The following OLA1 variants were observed in gnomAD, a reference collection of about 807,000 sequenced individuals.
The protein encoded by OLA1 is Obg like ATPase 1.
Under a neutral mutation model 48.4 loss-of-function variants are expected in OLA1, and 14 were observed. The ratio of observed to expected loss-of-function variants is 0.29; its 90% CI spans 0.19 to 0.45. The LOEUF (loss-of-function observed/expected upper bound fraction) is 0.45, where lower values mean the gene tolerates loss of function less well. Among genes scored for constraint, OLA1 ranks in the 20% least tolerant of loss-of-function variants. OLA1 has a pLI of 1.00. For missense variants in OLA1, 325 were observed against 467.1 expected (o/e 0.70, Z 2.80); for synonymous variants, 127 against 150.4 (o/e 0.84, Z 1.14).
At chr2:174,214,876 C>G (rs539444758) in intron 4 of OLA1, among the ~76,000 whole-genome samples, 2 of 151,884 alleles carry the variant, frequency 1.3e-5, no homozygotes, top group Non-Finnish European at 2.9e-5. Context: ...ATGATGAAAC[C>G]CCGTCTCTAC....
intron 4 of OLA1, among the ~76,000 whole-genome samples, chr2:174,166,919 T>G (rs898616088): frequency 7.2e-5 from 11 of 152,222 alleles, no homozygotes; most frequent in African/African-American, 2.7e-4. Flanking sequence ...TAAGTTCCCC[T>G]TCTTTCTCCT....
chr2:174,118,423 G>C (rs1473430628), intron 7 of OLA1, among the ~76,000 whole-genome samples: 1 of 152,156 alleles, frequency 6.6e-6, no homozygotes, highest in African/African-American at 2.4e-5. Context: ...GAAATTCTTT[G>C]TGTAGATGAA....
intron 4 of OLA1, among the ~76,000 whole-genome samples, chr2:174,159,508 C>CA (rs944982899): frequency 6.6e-6 from 1 of 151,936 alleles, no homozygotes; most frequent in African/African-American, 2.4e-5. Context: ...TACATGTGTA[C>CA]AAAAAAACCC....
At chr2:174,144,951 A>ATATATATAT (rs1553483449) in intron 4 of OLA1, among the ~76,000 whole-genome samples, 4 of 40,296 alleles carry the variant, frequency 9.9e-5, no homozygotes, top group Non-Finnish European at 1.2e-4. Flanking sequence ...AAAAAAAAAA[A>ATATATATAT]ATATATATAT....
At chr2:174,091,197 AT>A (rs1685104523) in intron 7 of OLA1, among the ~76,000 whole-genome samples, 2 of 152,310 alleles carry the variant, frequency 1.3e-5, no homozygotes, top group East Asian at 3.9e-4. Flanking sequence ...CTTAGCTTTA[AT>A]ATACTCATCT....
intron 7 of OLA1, among the ~76,000 whole-genome samples, chr2:174,117,361 C>T (rs1685807197): frequency 6.6e-6 from 1 of 152,118 alleles, no homozygotes; most frequent in South Asian, 2.1e-4. Flanking sequence ...GTTCAAAGAG[C>T]TACTTATAGT....
At chr2:174,164,411 C>T (rs577695947) in intron 4 of OLA1, among the ~76,000 whole-genome samples, 146 of 56,332 alleles carry the variant, frequency 2.6e-3, no homozygotes, top group Non-Finnish European at 3.9e-3. Context: ...TCCCACGAAA[C>T]GGTTTAATTT....
rs560990875 is a variant in OLA1 at position 174,148,496 on chromosome 2, T to TA, written c.374-6497dup. 1.4e-4 allele frequency among the ~76,000 whole-genome samples: 21 copies of TA among 152,350 alleles called. No individual in the cohort carries two copies. The East Asian group carries it at 3.7e-3, about 27-fold the overall frequency. On this transcript the variant is annotated intron_variant, in intron 4 of 10. Transcript: ENST00000284719. ...ATGTTAACTATGGTAAACTCTCATT[T>TA]AAAAAACTATTTGTTACAGAAAAAA... is the stretch of plus-strand genomic sequence containing the variant.
intron 4 of OLA1, among the ~76,000 whole-genome samples, chr2:174,211,758 A>T (rs1688249299): frequency 6.6e-6 from 1 of 152,224 alleles, no homozygotes; most frequent in African/African-American, 2.4e-5. Context: ...CCAATACTGT[A>T]GCAAATAGCC....
At chr2:174,081,294 G>T in intron 8 of OLA1, 46 bp from the exon 9 acceptor site, 1 of 1,428,574 alleles carries the variant, frequency 7.0e-7, no homozygotes, top group Non-Finnish European at 9.8e-7. Flanking sequence ...AGTTGATTGT[G>T]CCAGAAATTG....
chr2:174,152,670 T>C (rs755531219), intron 4 of OLA1, among the ~76,000 whole-genome samples: 1 of 152,172 alleles, frequency 6.6e-6, no homozygotes, highest in South Asian at 2.1e-4. Flanking sequence ...TTTGTAAATA[T>C]ATAAAAATGG....
At chr2:174,173,252 T>C (rs1291844984) in intron 4 of OLA1, among the ~76,000 whole-genome samples, 3 of 152,176 alleles carry the variant, frequency 2.0e-5, no homozygotes, top group Admixed American at 1.3e-4. Flanking sequence ...TGTTTAGTCA[T>C]CTAATAAGAA....
intron 4 of OLA1, among the ~76,000 whole-genome samples, chr2:174,216,505 T>C (rs1025945173): frequency 1.3e-4 from 20 of 152,156 alleles, no homozygotes; most frequent in Non-Finnish European, 4.4e-5. Context: ...ATCTTGTGAA[T>C]AGATGACAGT....
chr2:174,086,923 T>C (rs965998268), intron 7 of OLA1, among the ~76,000 whole-genome samples: 12 of 152,228 alleles, frequency 7.9e-5, no homozygotes, highest in African/African-American at 2.9e-4. Context: ...CTGAAGGCCA[T>C]GCACCATCAA....
intron 4 of OLA1, among the ~76,000 whole-genome samples, chr2:174,163,746 ATATATATATATATATATATATATAT>A (rs1687081523): frequency 2.1e-5 from 1 of 47,582 alleles, no homozygotes; most frequent in Non-Finnish European, 4.0e-5. Flanking sequence ...ATATATATAT[ATATATATATATATATATATATATAT>A]ATATAAATAA....
chr2:174,158,934 G>A (rs1479932938), intron 4 of OLA1, among the ~76,000 whole-genome samples: 1 of 151,982 alleles, frequency 6.6e-6, no homozygotes, highest in Non-Finnish European at 1.5e-5. Context: ...CCCCACCATG[G>A]GATTTTAGCA....
rs184262320 is a variant in OLA1 at position 174,179,448 on chromosome 2, T to C, written c.374-37448A>G. 2.0e-3 allele frequency among the ~76,000 whole-genome samples: 303 copies of C among 152,092 alleles called. 3 individuals are homozygous for C. The highest frequency in any genetic ancestry group is 6.9e-3 in the African/African-American group (287 of 41,566). On this transcript the variant is annotated intron_variant, in intron 4 of 10. Coordinates refer to ENST00000284719, the MANE Select transcript of OLA1 (RefSeq NM_013341.5). ...ATTTGTTAGACTAAAGGCTTATTTATGGGAACCTTATATTAACTTAGGAAT... is the reference window on the plus strand; with the variant it reads ...ATTTGTTAGACTAAAGGCTTATTTACGGGAACCTTATATTAACTTAGGAAT...
intron 4 of OLA1, among the ~76,000 whole-genome samples, chr2:174,186,213 C>A (rs1002549655): frequency 3.9e-5 from 6 of 152,084 alleles, no homozygotes; most frequent in Admixed American, 3.9e-4. Flanking sequence ...ATAATTCCAA[C>A]AAGATTTCTG....
chr2:174,119,826 G>C (rs1453477538), intron 7 of OLA1, among the ~76,000 whole-genome samples: 1 of 152,008 alleles, frequency 6.6e-6, no homozygotes, highest in East Asian at 1.9e-4. Flanking sequence ...CCAAGTATTT[G>C]TCTACCTATC....
Sources: gnomAD v4.1 joint callset for allele counts (sites outside exome capture counted in the v4.1 genomes callset) on GRCh38, gnomAD v4.1.1 for gene constraint, MANE v1.5 for transcripts, NCBI Gene and HGNC (gene_info 2026-07-23, HGNC 2026-07-21) for gene names.